BBS9: variants seen among roughly 807,000 people sequenced by gnomAD.
The protein encoded by BBS9 is Bardet-Biedl syndrome 9.
BBS9 carries 89 observed loss-of-function variants against 117.7 expected under a neutral mutation model. The observed-to-expected ratio is 0.76, with a 90% CI of 0.64 to 0.90. BBS9 has a LOEUF of 0.90. BBS9 is among the 40% of genes least tolerant of loss of function. The probability of loss-of-function intolerance (pLI) is 0.00; values close to 1 mark genes in which losing one functional copy is unlikely to be tolerated. For synonymous variants in BBS9, 379 were observed against 370.9 expected (o/e 1.02, Z -0.25); for missense variants, 982 against 1,042.2 (o/e 0.94, Z 0.80).
At chr7:33,389,699 A>AT (rs1209072980) in intron 19 of BBS9, among the ~76,000 whole-genome samples, 4 of 151,358 alleles carry the variant, frequency 2.6e-5, no homozygotes, top group Admixed American at 2.6e-4. Flanking sequence ...AAAAAAAAAA[A>AT]AAAAAAAAAA....
rs779267735 is a variant in BBS9, at chr7:33,353,790, A to C, written c.1552+917A>C. Among the ~76,000 whole-genome samples the C allele has an allele frequency of 1.3e-3, 202 of 152,108 alleles. 2 individuals are homozygous for C. The highest frequency in any genetic ancestry group is 2.4e-3 in the Admixed American group (37 of 15,260). ...GTTGCATAGCACATGTCATCTTGAT[A>C]TCTGGAAGTTATATATATATTTATA... On this transcript the variant is annotated intron_variant, in intron 15 of 22. Coordinates refer to ENST00000242067, the MANE Select transcript of BBS9 (RefSeq NM_198428.3).
At chr7:33,574,905 T>C (rs117409670) in intron 21 of BBS9, among the ~76,000 whole-genome samples, 3,220 of 152,226 alleles carry the variant, frequency 0.021, 68 homozygotes, top group South Asian at 0.1. Flanking sequence ...AAATTTAAAA[T>C]ATGCATACTT....
chr7:33,534,436 TCTAA>T, intron 21 of BBS9: 1 of 526,182 alleles, frequency 1.9e-6, no homozygotes. Context: ...TTGTTTTGCT[TCTAA>T]CTAATAAAAA....
intron 21 of BBS9, among the ~76,000 whole-genome samples, chr7:33,554,431 C>T (rs952408707): frequency 2.0e-5 from 3 of 152,046 alleles, no homozygotes; most frequent in African/African-American, 7.2e-5. Context: ...CAAATATCTA[C>T]AGTGTGTTTT....
chr7:33,551,012 G>T (rs1254965144), intron 21 of BBS9, among the ~76,000 whole-genome samples: 1 of 152,040 alleles, frequency 6.6e-6, no homozygotes, highest in Non-Finnish European at 1.5e-5. Context: ...TGTGGAAAAT[G>T]TTACCAAAAA....
intron 21 of BBS9, among the ~76,000 whole-genome samples, chr7:33,547,286 G>T (rs1455322568): frequency 6.6e-6 from 1 of 152,118 alleles, no homozygotes; most frequent in East Asian, 1.9e-4. Flanking sequence ...ATAAATGGAA[G>T]AAAAAGTAGG....
At chr7:33,295,732 A>G (rs141201313) in intron 9 of BBS9, among the ~76,000 whole-genome samples, 2 of 152,160 alleles carry the variant, frequency 1.3e-5, no homozygotes, top group African/African-American at 2.4e-5. Context: ...AAAAATTTAT[A>G]TATTGCAATG....
chr7:33,148,969 A>G (rs1003672009), intron 2 of BBS9, among the ~76,000 whole-genome samples: 1 of 152,200 alleles, frequency 6.6e-6, no homozygotes, highest in East Asian at 1.9e-4. Context: ...ATTAGTGTCC[A>G]TGACAAGAGT....
intron 21 of BBS9, among the ~76,000 whole-genome samples, chr7:33,616,553 A>G (rs997781129): frequency 4.0e-5 from 6 of 149,330 alleles, no homozygotes; most frequent in Admixed American, 6.7e-5. Context: ...AAAATACTCA[A>G]TGAAACCACA....
At chr7:33,345,750 T>G (rs1817473772) in intron 12 of BBS9, among the ~76,000 whole-genome samples, 1 of 152,198 alleles carries the variant, frequency 6.6e-6, no homozygotes, top group South Asian at 2.1e-4. Context: ...GAATGATTTG[T>G]ACTTTTGTAT....
intron 12 of BBS9, among the ~76,000 whole-genome samples, chr7:33,345,060 T>A (rs1478544667): frequency 6.6e-6 from 1 of 152,186 alleles, no homozygotes; most frequent in Non-Finnish European, 1.5e-5. Flanking sequence ...CTTCTACCTA[T>A]GATTATGTGG....
intron 9 of BBS9, among the ~76,000 whole-genome samples, chr7:33,306,611 G>A (rs566946103): frequency 6.6e-6 from 1 of 152,106 alleles, no homozygotes; most frequent in Non-Finnish European, 1.5e-5. Flanking sequence ...GATATTGTAT[G>A]ATGGAAAGTA....
intron 21 of BBS9, 33 bp from the exon 22 acceptor site, chr7:33,604,832 T>G (rs185236992): frequency 6.7e-7 from 1 of 1,484,338 alleles, no homozygotes; most frequent in African/African-American, 1.4e-5. Context: ...TTCTTACACA[T>G]TGCTTAAAAT....
At chr7:33,454,487 C>G (rs1838343551) in intron 19 of BBS9, among the ~76,000 whole-genome samples, 1 of 152,248 alleles carries the variant, frequency 6.6e-6, no homozygotes, top group Admixed American at 6.5e-5. Flanking sequence ...TTCCTTATTT[C>G]TCTCTGGCCT....
intron 2 of BBS9, among the ~76,000 whole-genome samples, chr7:33,151,978 C>G (rs1352145092): frequency 1.3e-5 from 2 of 151,914 alleles, no homozygotes; most frequent in Non-Finnish European, 2.9e-5. Flanking sequence ...CCACCTCAGC[C>G]TCCCAAGTAG....
At chr7:33,206,338 G>A (rs1011096221) in intron 5 of BBS9, among the ~76,000 whole-genome samples, 2 of 152,022 alleles carry the variant, frequency 1.3e-5, no homozygotes, top group Non-Finnish European at 2.9e-5. Flanking sequence ...TTGTATTTTG[G>A]GATATCTTTG....
intron 5 of BBS9, among the ~76,000 whole-genome samples, chr7:33,183,484 C>A (rs1239107146): frequency 1.3e-5 from 2 of 152,136 alleles, no homozygotes; most frequent in Non-Finnish European, 2.9e-5. Flanking sequence ...TCCTTATAAA[C>A]CTCTTATTAC....
intron 5 of BBS9, among the ~76,000 whole-genome samples, chr7:33,241,261 T>C (rs1794478758): frequency 6.6e-6 from 1 of 152,128 alleles, no homozygotes; most frequent in Non-Finnish European, 1.5e-5. Context: ...TTGATAGTTA[T>C]TTTTCCTACA....
intron 5 of BBS9, among the ~76,000 whole-genome samples, chr7:33,192,834 A>G (rs1784348101): frequency 6.6e-6 from 1 of 152,232 alleles, no homozygotes; most frequent in Admixed American, 6.5e-5. Context: ...ACAGAGGAGC[A>G]GAAGAGCAAA....
Sources: gnomAD v4.1 joint callset for allele counts (sites outside exome capture counted in the v4.1 genomes callset) on GRCh38, gnomAD v4.1.1 for gene constraint, MANE v1.5 for transcripts, NCBI Gene and HGNC (gene_info 2026-07-23, HGNC 2026-07-21) for gene names.